The following HMCN2 variants were observed in gnomAD, a reference collection of about 807,000 sequenced individuals.
The protein encoded by HMCN2 is hemicentin-2.
Under a neutral mutation model 377.5 loss-of-function variants are expected in HMCN2, and 325 were observed. The ratio of observed to expected loss-of-function variants is 0.86; its 90% confidence interval spans 0.79 to 0.94. The LOEUF is 0.94. Ranked by LOEUF, HMCN2 falls within the 40% of genes least tolerant of loss-of-function variation. The pLI is 0.00. For synonymous variants in HMCN2, 2,007 were observed against 2,046.8 expected (o/e 0.98, Z 0.53); for missense variants, 4,543 against 4,725.3 (o/e 0.96, Z 1.13).
chr9:130,374,684 A>C lies in HMCN2; in HGVS notation c.7621A>C (p.Ser2541Arg). The C allele has an allele frequency of 1.0e-6, 1 of 985,716 alleles. No homozygotes were observed. Among genetic ancestry groups the C allele is most frequent in the Non-Finnish European group, 1.2e-6 (1 of 829,872 alleles). The allele number at this position is 985,716 out of a possible 1,614,324, so 61.1% of individuals were successfully genotyped here. The part of the protein sequence containing the change: ...VGEKTKHFQL[S>R]VLLAPTILGG... Reference sequence around the variant, plus strand: ...GGAGAAGACCAAACACTTCCAGCTCAGTGTCCTGTGTAAGTTTTGGGCATC... The same window carrying C: ...GGAGAAGACCAAACACTTCCAGCTCCGTGTCCTGTGTAAGTTTTGGGCATC... Residue 2541 changes from serine to arginine, a missense_variant, in exon 49 of 98, where the codon AGT (serine) becomes CGT (arginine). This residue lies in a region of HMCN2 where 736 missense variants were observed against 773.2 expected (regional missense o/e 0.95). Coordinates refer to ENST00000683500, the MANE Select transcript of HMCN2 (RefSeq NM_001291815.2).
In HMCN2 at chr9:130,394,565, A is replaced by G. The variant is rs1242631226; in HGVS notation, c.10682A>G (p.Glu3561Gly). 2 of 1,287,102 alleles carry G rather than the reference A, an allele frequency of 1.6e-6. No homozygotes were observed. The highest frequency in any genetic ancestry group is 4.6e-5 in the Admixed American group (2 of 43,376). The allele number at this position is 1,287,102 out of a possible 1,614,324, so 79.7% of individuals were successfully genotyped here. ...AGAGCCACACGGGTGCTCCGGGTGG[A>G]GAATGTGCAGGTACCAGTGCCGCCG... ...NSRATRVLRV[E>G]NVQVRDAGLY... Residue 3561 changes from glutamate to glycine, a missense_variant, in exon 69 of 98, where the codon GAG becomes GGG. Coordinates refer to ENST00000683500, the MANE Select transcript of HMCN2 (RefSeq NM_001291815.2). This position sits in a 1 kb window ranked among gnomAD's most constrained non-coding sequence, Gnocchi z 5.1.
intron 56 of HMCN2, among the ~76,000 whole-genome samples, chr9:130,383,268 G>A (rs563915355): frequency 6.5e-5 from 2 of 30,832 alleles, no homozygotes; most frequent in African/African-American, 9.0e-5. Context: ...CCACAGGGGT[G>A]GGGGAGGCTC....
Position 130,433,929 on chromosome 9 carries a change from G to A in HMCN2, c.*236G>A, listed in dbSNP as rs898810569. 1.3e-5 allele frequency: 6 copies of A among 450,512 alleles called. No individual in the cohort carries two copies. Among genetic ancestry groups the A allele is most frequent in the Admixed American group, 4.4e-5 (1 of 22,612 alleles). 27.9% of individuals were successfully genotyped at this position (450,512 alleles called of 1,614,324 possible). The stretch of plus-strand genomic sequence containing the variant: ...CTTGGGTGGCCAGTCCCGCAGGCAG[G>A]GCCCGGGGAAGCCCGGATCAGACCT... On this transcript the variant is annotated 3_prime_UTR_variant, in exon 98 of 98. Coordinates refer to ENST00000683500, the MANE Select transcript of HMCN2 (RefSeq NM_001291815.2).
In HMCN2 at chr9:130,414,653, C is replaced by T. The variant is rs961258561; in HGVS notation, c.12961+4001C>T. ...TTAAGACAAGGTCTGACTCTGTTGC[C>T]CAGGCTGGAGTGCAGTGACATGATC... On this transcript the variant is annotated intron_variant, in intron 85 of 97. Transcript: ENST00000683500. The surrounding 1 kb of genome is among the most constrained non-coding windows in gnomAD (Gnocchi z 4.4). Among the ~76,000 whole-genome samples, 2 of 151,560 alleles carry T rather than the reference C, an allele frequency of 1.3e-5. No individual in the cohort carries two copies. Among genetic ancestry groups the T allele is most frequent in the Non-Finnish European group, 2.9e-5 (2 of 67,900 alleles).
At position 130,266,152 on chromosome 9, in the gene HMCN2, C is replaced by T. The variant is rs1033089997; in HGVS notation, c.259+15C>T. The T allele has an allele frequency of 2.2e-6, 1 of 459,624 alleles. No homozygotes were observed. Among genetic ancestry groups the T allele is most frequent in the East Asian group, 7.1e-5 (1 of 14,158 alleles). 28.5% of individuals were successfully genotyped at this position (459,624 alleles called of 1,614,324 possible). A position where few individuals can be genotyped will look rare whatever the true frequency, so the allele number is the denominator to read the frequency against. On this transcript the variant is annotated intron_variant, in intron 1 of 97. Transcript: ENST00000683500. ...CCACGACCCAGGTAGCGCCCCCGCA[C>T]CCCCGCCCGCCGGGCGCCCCCTTCG... is the stretch of plus-strand genomic sequence containing the variant.
intron 40 of HMCN2, among the ~76,000 whole-genome samples, chr9:130,363,265 CA>C (rs1156452672): frequency 6.6e-6 from 1 of 152,208 alleles, no homozygotes; most frequent in Non-Finnish European, 1.5e-5. Context: ...GTAGCAGGAA[CA>C]GCGTGGAGTG....
rs1841896405 is a variant in HMCN2, at chr9:130,384,300, TTCTC to T, written c.8831-71_8831-68del. On this transcript the variant is annotated intron_variant, in intron 57 of 97. Coordinates refer to ENST00000683500, the MANE Select transcript of HMCN2 (RefSeq NM_001291815.2). ...CCAGGAGCTGGGTGAGGCTCAGGGTTTCTCTTGGGCTCTGTGCTCCCCTGCTGGT... is the reference window on the plus strand; with the variant it reads ...CCAGGAGCTGGGTGAGGCTCAGGGTTTTGGGCTCTGTGCTCCCCTGCTGGT... 3 of 1,191,720 alleles carry T rather than the reference TTCTC, an allele frequency of 2.5e-6. No individual in the cohort carries two copies. The South Asian group carries it at 4.3e-5, about 17-fold the overall frequency. 73.8% of individuals were successfully genotyped at this position (1,191,720 alleles called of 1,614,324 possible). A position where few individuals can be genotyped will look rare whatever the true frequency, so the allele number is the denominator to read the frequency against.
At chr9:130,386,250 G>C (rs943904086) in intron 60 of HMCN2, among the ~76,000 whole-genome samples, 193 bp from the exon 61 acceptor site, 1 of 152,166 alleles carries the variant, frequency 6.6e-6, no homozygotes, top group African/African-American at 2.4e-5. Flanking sequence ...ATTCACTGTT[G>C]AGGGGCCCTT....
chr9:130,292,981 T>TCTATCTATCTAC (rs1564753832), intron 4 of HMCN2, among the ~76,000 whole-genome samples: 7 of 141,598 alleles, frequency 4.9e-5, no homozygotes, highest in African/African-American at 1.7e-4. Flanking sequence ...TATCTATCTA[T>TCTATCTATCTAC]CTATCTATCT....
intron 48 of HMCN2, among the ~76,000 whole-genome samples, chr9:130,374,170 G>A (rs936452223): frequency 2.0e-5 from 3 of 151,606 alleles, no homozygotes; most frequent in African/African-American, 4.8e-5. Flanking sequence ...TGGAAGGATA[G>A]GTGAGTAGGT....
Position 130,394,481 on chromosome 9 carries a change from A to T in HMCN2, c.10598A>T (p.Gln3533Leu), listed in dbSNP as rs1358639195. 1 of 1,289,814 alleles carries T rather than the reference A, an allele frequency of 7.8e-7. No individual in the cohort carries two copies. The highest frequency in any genetic ancestry group is 1.2e-5 in the South Asian group (1 of 81,022). 79.9% of individuals were successfully genotyped at this position (1,289,814 alleles called of 1,614,324 possible). ...ELLCDAQGTPQPNITWHKDGQ... is the reference protein window; with the variant it reads ...ELLCDAQGTPLPNITWHKDGQ... ...CTCTGTGATGCCCAGGGCACCCCCC[A>T]GCCCAACATCACCTGGCATAAGGAC... Residue 3533 changes from glutamine to leucine, a missense_variant, in exon 69 of 98, where the codon CAG (glutamine) becomes CTG (leucine). Gln to Leu is a moderately radical substitution (Grantham distance 113). Transcript: ENST00000683500. This position sits in a 1 kb window ranked among gnomAD's most constrained non-coding sequence, Gnocchi z 5.1.
chr9:130,398,707 G>A lies in HMCN2; in HGVS notation c.11483G>A (p.Arg3828Gln), dbSNP rs779096772. ...TTCCGCCTGCAGCAGGGCGCCTACC[G>A]GTAACGAGCTGGACTTTGCGGTGGC... The part of the protein sequence containing the change: ...LDFRLQQGAY[R>Q]LLPSNALLLT... The change falls in exon 75 of 98, where the codon CGG becomes CAG. Residue 3828 changes from arginine (R) to glutamine (Q), a missense_variant and splice_region_variant. Arg to Gln is a conservative substitution (Grantham distance 43). Around this residue, in one of 5 missense-constraint regions of HMCN2, gnomAD observed 1,073 missense variants for 1,319.5 expected, o/e 0.81. Transcript: ENST00000683500. The A allele has an allele frequency of 1.9e-5, 25 of 1,289,004 alleles. No individual in the cohort carries two copies. Among genetic ancestry groups the A allele is most frequent in the Middle Eastern group, 2.1e-4 (1 of 4,708 alleles). The allele number at this position is 1,289,004 out of a possible 1,614,324, so 79.8% of individuals were successfully genotyped here. A position where few individuals can be genotyped will look rare whatever the true frequency, so the allele number is the denominator to read the frequency against.
intron 83 of HMCN2, 119 bp downstream of exon 83, chr9:130,407,824 C>A: frequency 1.4e-6 from 1 of 731,376 alleles, no homozygotes; most frequent in Non-Finnish European, 1.8e-6. Flanking sequence ...CCCACCCTGG[C>A]TGCATGTTAG....
At chr9:130,348,399 AGGACCCTTTGT>A in intron 26 of HMCN2, 135 bp from the exon 27 acceptor site, 1 of 1,199,766 alleles carries the variant, frequency 8.3e-7, no homozygotes, top group Non-Finnish European at 1.1e-6. Flanking sequence ...GCAGGTCCAC[AGGACCCTTTGT>A]GGCTGGGCGG....
intron 30 of HMCN2, 90 bp from the exon 31 acceptor site, chr9:130,352,837 G>A: frequency 6.5e-6 from 7 of 1,073,026 alleles, no homozygotes; most frequent in Non-Finnish European, 8.5e-6. Flanking sequence ...GGTGTGTCTT[G>A]TGGCCCAAAG....
At chr9:130,403,111 C>T (rs1172486126) in intron 78 of HMCN2, 83 bp from the exon 79 acceptor site, 2 of 1,205,708 alleles carry the variant, frequency 1.7e-6, no homozygotes, top group Non-Finnish European at 2.1e-6. Flanking sequence ...AGAGGCCTCT[C>T]TCTCTGATGC....
intron 75 of HMCN2, 101 bp from the exon 76 acceptor site, chr9:130,399,410 A>T: frequency 8.7e-7 from 1 of 1,154,024 alleles, no homozygotes; most frequent in Non-Finnish European, 1.1e-6. Flanking sequence ...TGGAGGTCAG[A>T]TACAGGAAGG....
chr9:130,306,743 T>G (rs570915633), intron 12 of HMCN2, 68 bp from the exon 13 acceptor site: 1 of 429,040 alleles, frequency 2.3e-6, no homozygotes, highest in South Asian at 1.7e-5. Context: ...GTTAGTGAAT[T>G]TGTTATTAAT....
intron 1 of HMCN2, among the ~76,000 whole-genome samples, chr9:130,267,472 A>ACG (rs879969560): frequency 1.9e-3 from 253 of 133,700 alleles, no homozygotes; most frequent in East Asian, 5.1e-3. Context: ...ACACACACAC[A>ACG]CACACGCACA....
Sources: gnomAD v4.1 joint callset for allele counts (sites outside exome capture counted in the v4.1 genomes callset) on GRCh38, gnomAD v4.1.1 for gene constraint, gnomAD v4.1.1 regional missense constraint, Gnocchi (gnomAD v3.1) non-coding constraint, MANE v1.5 for transcripts, NCBI Gene and HGNC (gene_info 2026-07-23, HGNC 2026-07-21) for gene names.